The following GRIK3 variants were observed in gnomAD, a reference collection of about 807,000 sequenced individuals.
The protein encoded by GRIK3 is glutamate ionotropic receptor kainate type subunit 3, also known as glutamate receptor ionotropic, kainate 3.
A neutral mutation model predicts 102.5 loss-of-function variants in GRIK3; 29 were observed. That is an observed-to-expected ratio of 0.28 (90% CI 0.21 to 0.39). GRIK3 has a LOEUF of 0.39. Among genes scored for constraint, GRIK3 ranks in the 10% least tolerant of loss-of-function variants. The pLI is 1.00. For missense variants in GRIK3, 908 were observed against 1,252.4 expected, an observed-to-expected ratio of 0.73 and a Z score of 4.15; for synonymous variants, 511 against 504.9, an observed-to-expected ratio of 1.01 and a Z score of -0.16.
At chr1:36,946,565 A>T (rs1641787046) in intron 1 of GRIK3, among the ~76,000 whole-genome samples, 1 of 152,192 alleles carries the variant, frequency 6.6e-6, no homozygotes, top group South Asian at 2.1e-4. Flanking sequence ...TGGCTCTCGC[A>T]TGGGAAGGAT....
intron 1 of GRIK3, among the ~76,000 whole-genome samples, chr1:36,970,485 G>T (rs919710591): frequency 6.6e-6 from 1 of 152,098 alleles, no homozygotes. Flanking sequence ...TTACTCTTTT[G>T]CCCACCATTG....
At chr1:36,954,145 A>G (rs999052542) in intron 1 of GRIK3, among the ~76,000 whole-genome samples, 2 of 152,196 alleles carry the variant, frequency 1.3e-5, no homozygotes, top group Non-Finnish European at 2.9e-5. Flanking sequence ...GGACTCTCAA[A>G]GACAAGAATG....
chr1:36,856,727 G>A lies in GRIK3; in HGVS notation c.1104+2381C>T, dbSNP rs543123059. On this transcript the variant is annotated intron_variant, in intron 7 of 15. Transcript: ENST00000373091. Reference sequence around the variant, plus strand: ...GGAGTGTGAGCAGTGAGGGTCACTCGTTGGGCCTGGGAAGGAGAATGGAGC... The same window carrying A: ...GGAGTGTGAGCAGTGAGGGTCACTCATTGGGCCTGGGAAGGAGAATGGAGC... Among the ~76,000 whole-genome samples, 8 of 152,276 alleles carry A rather than the reference G, an allele frequency of 5.3e-5. No homozygotes were observed. In the Middle Eastern group the frequency reaches 0.014, roughly 259 times the overall value.
At chr1:36,857,562 G>A (rs368439434) in intron 7 of GRIK3, among the ~76,000 whole-genome samples, 25 of 152,328 alleles carry the variant, frequency 1.6e-4, no homozygotes, top group African/African-American at 5.5e-4. Flanking sequence ...GAGTTTGCCG[G>A]GTGTGGAAAC....
chr1:36,967,100 G>A (rs1204561426), intron 1 of GRIK3, among the ~76,000 whole-genome samples: 1 of 152,192 alleles, frequency 6.6e-6, no homozygotes, highest in Non-Finnish European at 1.5e-5. Flanking sequence ...AGCAAAAGGA[G>A]GGGCTAAAAT....
In GRIK3 at chr1:37,010,941, C is replaced by T. The variant is rs557385389; in HGVS notation, c.115+23053G>A. Among the ~76,000 whole-genome samples, 4 of 152,112 alleles carry T rather than the reference C, an allele frequency of 2.6e-5. No individual in the cohort carries two copies. The East Asian group carries it at 5.8e-4, about 22-fold the overall frequency. On this transcript the variant is annotated intron_variant, in intron 1 of 15. Transcript: ENST00000373091. The stretch of plus-strand genomic sequence containing the variant: ...TATTTTTAGTAGAGACGGGGTTTCA[C>T]CTTGTTAGCCAGGATGATCTCGATC...
At chr1:36,922,356 C>G (rs1641483019) in intron 1 of GRIK3, among the ~76,000 whole-genome samples, 1 of 152,198 alleles carries the variant, frequency 6.6e-6, no homozygotes, top group South Asian at 2.1e-4. Flanking sequence ...ACCACCCGCC[C>G]CCTTAAGCAG....
chr1:36,898,728 G>C (rs952323649), intron 1 of GRIK3, among the ~76,000 whole-genome samples: 1 of 152,004 alleles, frequency 6.6e-6, no homozygotes, highest in African/African-American at 2.4e-5. Flanking sequence ...AATTGCAAAG[G>C]AATCCAAATA....
At chr1:36,986,815 G>A (rs978934608) in intron 1 of GRIK3, among the ~76,000 whole-genome samples, 6 of 152,174 alleles carry the variant, frequency 3.9e-5, no homozygotes, top group African/African-American at 9.7e-5. Context: ...AACACATTCC[G>A]ACTTACCTTA....
At chr1:36,802,215 G>A (rs1405822656) in intron 15 of GRIK3, among the ~76,000 whole-genome samples, 170 bp from the exon 16 acceptor site, 1 of 152,206 alleles carries the variant, frequency 6.6e-6, no homozygotes, top group Non-Finnish European at 1.5e-5. Context: ...ATTAGTTTGT[G>A]CAGCAGTCTA....
At position 36,819,972 on chromosome 1, in the gene GRIK3, TCTG is replaced by T; in HGVS notation, c.1755-121_1755-119del. The T allele has an allele frequency of 1.6e-6, 1 of 641,120 alleles. No homozygotes were observed. Among genetic ancestry groups the T allele is most frequent in the Non-Finnish European group, 2.9e-6 (1 of 346,382 alleles). 39.7% of individuals were successfully genotyped at this position (641,120 alleles called of 1,614,324 possible). On this transcript the variant is annotated intron_variant, in intron 11 of 15. Transcript: ENST00000373091. This position sits in a 1 kb window ranked among gnomAD's most constrained non-coding sequence, Gnocchi z 4.1. ...GCCTCAGCGTCAATATCCTCATGGT[TCTG>T]CTGGGAGGCAGGGCAGGGGAATTTC... is the stretch of plus-strand genomic sequence containing the variant.
At chr1:36,803,357 G>T (rs1404831591) in intron 15 of GRIK3, among the ~76,000 whole-genome samples, 1 of 152,164 alleles carries the variant, frequency 6.6e-6, no homozygotes, top group Non-Finnish European at 1.5e-5. Context: ...AAGGAAGTGG[G>T]CAGAGAAGTG....
At chr1:36,928,199 G>A (rs188132379) in intron 1 of GRIK3, among the ~76,000 whole-genome samples, 1 of 152,222 alleles carries the variant, frequency 6.6e-6, no homozygotes, top group African/African-American at 2.4e-5. Context: ...GGTGAGTGGA[G>A]GCAGGGACTG....
intron 1 of GRIK3, among the ~76,000 whole-genome samples, chr1:36,998,523 C>T (rs1481346810): frequency 1.3e-5 from 2 of 152,176 alleles, no homozygotes; most frequent in East Asian, 1.9e-4. Flanking sequence ...GATGCATGAA[C>T]GGGTTATTGA....
intron 10 of GRIK3, among the ~76,000 whole-genome samples, chr1:36,837,599 T>A (rs1018743269): frequency 9.9e-5 from 15 of 152,124 alleles, no homozygotes; most frequent in African/African-American, 3.4e-4. Flanking sequence ...CAAGTCGATG[T>A]CACCCCCTGG....
At position 36,841,811 on chromosome 1, in the gene GRIK3, C is replaced by T. The variant is rs1441697888; in HGVS notation, c.1455G>A (p.Leu485=). 2.5e-6 allele frequency: 4 copies of T among 1,614,112 alleles called. No homozygotes were observed. In the African/African-American group the frequency reaches 4.0e-5, roughly 16 times the overall value. ...HILGFSYEIR[L]VEDGKYGAQD... is the part of the protein sequence containing the mutation. Reference sequence around the variant, plus strand: ...GTGCCCCGTACTTGCCGTCCTCCACCAGCCGGATCTCATAGGAGAAACCAA... The same window carrying T: ...GTGCCCCGTACTTGCCGTCCTCCACTAGCCGGATCTCATAGGAGAAACCAA... The change falls in exon 10 of 16, where the codon CTG becomes CTA. Residue 485 remains leucine (L), a synonymous_variant. Transcript: ENST00000373091.
At position 36,872,754 on chromosome 1, in the gene GRIK3, G is replaced by A. The variant is rs372310743; in HGVS notation, c.551-385C>T. On this transcript the variant is annotated intron_variant, in intron 3 of 15. Coordinates refer to ENST00000373091, the MANE Select transcript of GRIK3 (RefSeq NM_000831.4). This position sits in a 1 kb window ranked among gnomAD's most constrained non-coding sequence, Gnocchi z 5.9. ...TGCTTCTCTCTAACCCAGAATGGGT[G>A]TAAAGCCTTCAGGGCCTAAATCAGA... is the stretch of plus-strand genomic sequence containing the variant. 6.6e-6 allele frequency among the ~76,000 whole-genome samples: 1 copy of A among 152,226 alleles called. No individual in the cohort carries two copies. Among genetic ancestry groups the A allele is most frequent in the Non-Finnish European group, 1.5e-5 (1 of 68,042 alleles).
At chr1:36,974,044 G>A (rs1158338681) in intron 1 of GRIK3, among the ~76,000 whole-genome samples, 1 of 152,114 alleles carries the variant, frequency 6.6e-6, no homozygotes, top group East Asian at 1.9e-4. Flanking sequence ...GGTTCTTCAG[G>A]CCTTCATGGG....
intron 1 of GRIK3, among the ~76,000 whole-genome samples, chr1:37,025,469 C>A (rs1276371475): frequency 6.6e-6 from 1 of 152,160 alleles, no homozygotes; most frequent in Non-Finnish European, 1.5e-5. Flanking sequence ...AACCAGAGGC[C>A]TAGAATGACC....
Sources: gnomAD v4.1 joint callset for allele counts (sites outside exome capture counted in the v4.1 genomes callset) on GRCh38, gnomAD v4.1.1 for gene constraint, Gnocchi (gnomAD v3.1) non-coding constraint, MANE v1.5 for transcripts, NCBI Gene and HGNC (gene_info 2026-07-23, HGNC 2026-07-21) for gene names.